Variants in RPS6KA1 observed in about 807,000 individuals in gnomAD.
RPS6KA1 encodes ribosomal protein S6 kinase A1.
In RPS6KA1, 48 loss-of-function variants were observed where a neutral mutation model predicts 91.3. That is an observed-to-expected ratio of 0.53 (90% CI 0.42 to 0.67). The LOEUF (loss-of-function observed/expected upper bound fraction) is 0.67. Ranked by LOEUF, RPS6KA1 falls within the 30% of genes least tolerant of loss-of-function variation. The pLI, the probability that RPS6KA1 is intolerant of heterozygous loss-of-function variation, is 0.00. For synonymous variants in RPS6KA1, 359 were observed against 384.7 expected (o/e 0.93, Z 0.78); for missense variants, 719 against 960.5 (o/e 0.75, Z 3.32).
intron 1 of RPS6KA1, 73 bp from the exon 2 acceptor site, chr1:26,536,852 G>A (rs2075910533): frequency 1.3e-6 from 2 of 1,552,464 alleles, no homozygotes; most frequent in Non-Finnish European, 1.8e-6. Flanking sequence ...AAGGGTGGGG[G>A]TGCCCCACAG....
At chr1:26,552,065 T>A (rs1019702698) in intron 6 of RPS6KA1, among the ~76,000 whole-genome samples, 20 of 152,308 alleles carry the variant, frequency 1.3e-4, no homozygotes, top group African/African-American at 4.3e-4. Context: ...TCATCTTGCG[T>A]ATGTCATCCA....
chr1:26,554,187 G>A lies in RPS6KA1; in HGVS notation c.576-27G>A. On this transcript the variant is annotated intron_variant, in intron 7 of 21. Coordinates refer to ENST00000374168, the MANE Select transcript of RPS6KA1 (RefSeq NM_002953.4). This position sits in a 1 kb window ranked among gnomAD's most constrained non-coding sequence, Gnocchi z 4.6. ...TCACCCACACGGCCACAGCTGAGGG[G>A]CCCTGACCACTATTTCTCTATTACA... 6.4e-7 allele frequency: 1 copy of A among 1,551,666 alleles called. No individual in the cohort carries two copies. The highest frequency in any genetic ancestry group is 8.7e-7 in the Non-Finnish European group (1 of 1,146,996).
chr1:26,546,086 G>A, intron 2 of RPS6KA1: 1 of 1,589,452 alleles, frequency 6.3e-7, no homozygotes, highest in Non-Finnish European at 8.5e-7. Flanking sequence ...CCTTGCAGCA[G>A]GTGCCTGGGA....
At chr1:26,560,966 C>A in intron 15 of RPS6KA1, 79 bp from the exon 16 acceptor site, 1 of 1,594,798 alleles carries the variant, frequency 6.3e-7, no homozygotes, top group Non-Finnish European at 8.6e-7. Context: ...GTGGCCGAGA[C>A]CTCCTGGCCT....
intron 20 of RPS6KA1, 143 bp downstream of exon 20, chr1:26,572,436 G>C (rs2076257445): frequency 7.8e-6 from 5 of 639,546 alleles, no homozygotes; most frequent in Non-Finnish European, 1.1e-5. Flanking sequence ...CCAAGCGGAA[G>C]ATTCCCAGGC....
intron 2 of RPS6KA1, among the ~76,000 whole-genome samples, chr1:26,545,294 G>A (rs1487186689): frequency 6.7e-6 from 1 of 150,038 alleles, no homozygotes; most frequent in Non-Finnish European, 1.5e-5. Context: ...CTCAGCTCCC[G>A]AATAGCTGGG....
rs1188866336 is a variant in RPS6KA1, at chr1:26,552,186, A to G, written c.468+463A>G. Among the ~76,000 whole-genome samples the G allele has an allele frequency of 2.6e-5, 4 of 152,196 alleles. No homozygotes were observed. In the East Asian group the frequency reaches 7.8e-4, roughly 30 times the overall value. ...GGGCAGATCAGGAGGTCAGGAGATC[A>G]AGACCATCCTGCCCAACATGGTGAA... On this transcript the variant is annotated intron_variant, in intron 6 of 21. Transcript: ENST00000374168.
At chr1:26,572,144 T>C (rs1570466872) in intron 19 of RPS6KA1, 32 bp from the exon 20 acceptor site, 12 of 1,576,496 alleles carry the variant, frequency 7.6e-6, no homozygotes, top group Non-Finnish European at 9.6e-6. Flanking sequence ...GAGGCCAGAG[T>C]CTGTACCCAG....
intron 13 of RPS6KA1, among the ~76,000 whole-genome samples, chr1:26,557,309 T>C (rs1377042868): frequency 6.6e-6 from 1 of 152,080 alleles, no homozygotes; most frequent in Non-Finnish European, 1.5e-5. Flanking sequence ...GTGGGTCTCT[T>C]TGTGTCTGGT....
At chr1:26,544,476 C>A (rs983580484) in intron 2 of RPS6KA1, among the ~76,000 whole-genome samples, 2 of 151,378 alleles carry the variant, frequency 1.3e-5, no homozygotes, top group African/African-American at 4.9e-5. Context: ...CTGTCATTGC[C>A]TGTTGGTTTT....
In RPS6KA1 at chr1:26,561,444, C is replaced by T; in HGVS notation, c.1432-61C>T. 4 of 1,608,104 alleles carry T rather than the reference C, an allele frequency of 2.5e-6. No individual in the cohort carries two copies. Among genetic ancestry groups the T allele is most frequent in the Non-Finnish European group, 3.4e-6 (4 of 1,175,118 alleles). ...CATTCTTCCCTGCTCTGGGGCGCTG[C>T]TGACCAGGGGGCTCAGGCCTGACAC... On this transcript the variant is annotated intron_variant, in intron 16 of 21. Coordinates refer to ENST00000374168, the MANE Select transcript of RPS6KA1 (RefSeq NM_002953.4). This position sits in a 1 kb window ranked among gnomAD's most constrained non-coding sequence, Gnocchi z 5.7.
At chr1:26,544,562 C>G (rs1296972057) in intron 2 of RPS6KA1, among the ~76,000 whole-genome samples, 6 of 152,024 alleles carry the variant, frequency 3.9e-5, no homozygotes, top group Non-Finnish European at 5.9e-5. Context: ...GCAGCCTCCC[C>G]CTCCCAGGTT....
Position 26,543,915 on chromosome 1 carries a change from C to T in RPS6KA1, c.109-2952C>T, listed in dbSNP as rs568977000. Reference sequence around the variant, plus strand: ...CATCAGATTGCACTCAGGAGATAGTCCTCTCAGCTACTGTCTGGGTCCCCC... The same window carrying T: ...CATCAGATTGCACTCAGGAGATAGTTCTCTCAGCTACTGTCTGGGTCCCCC... On this transcript the variant is annotated intron_variant, in intron 2 of 21. Transcript: ENST00000374168. Among the ~76,000 whole-genome samples the T allele has an allele frequency of 2.6e-5, 4 of 152,272 alleles. No individual in the cohort carries two copies. In the South Asian group the frequency reaches 8.3e-4, roughly 32 times the overall value.
In RPS6KA1 at chr1:26,547,402, G is replaced by A; in HGVS notation, c.307+132G>A. On this transcript the variant is annotated intron_variant, in intron 4 of 21. Coordinates refer to ENST00000374168, the MANE Select transcript of RPS6KA1 (RefSeq NM_002953.4). The surrounding 1 kb of genome is among the most constrained non-coding windows in gnomAD (Gnocchi z 4.1). ...CACCTAGTTCAAAGGTGGAGAAACA[G>A]GCCTATTTCTCAGCTATCCCTCGCC... The A allele has an allele frequency of 4.3e-6, 3 of 699,488 alleles. No homozygotes were observed. In the South Asian group the frequency reaches 5.2e-5, roughly 12 times the overall value. 43.3% of individuals were successfully genotyped at this position (699,488 alleles called of 1,614,324 possible).
chr1:26,549,690 C>CTTTTTT (rs561375723), intron 4 of RPS6KA1, among the ~76,000 whole-genome samples: 32 of 101,904 alleles, frequency 3.1e-4, no homozygotes, highest in Non-Finnish European at 4.3e-4. Flanking sequence ...AAAGCCTGTT[C>CTTTTTT]TTTTTTTTTT....
rs763683229 is a variant in RPS6KA1 at position 26,546,866 on chromosome 1, G to C, written c.109-1G>C. On this transcript the variant is annotated splice_acceptor_variant, in intron 2 of 21. Transcript: ENST00000374168. LOFTEE classifies it high-confidence loss of function. ...GCCCACCAGCTCTGTCCCTCCATCA[G>C]GATGAGGGCGTCCTCAAGGAGATCT... is the stretch of plus-strand genomic sequence containing the variant. 6.2e-7 allele frequency: 1 copy of C among 1,613,598 alleles called. No homozygotes were observed. The highest frequency in any genetic ancestry group is 8.5e-7 in the Non-Finnish European group (1 of 1,179,608).
In RPS6KA1 at chr1:26,540,757, C is replaced by G. The variant is rs2124619349; in HGVS notation, c.108+3788C>G. 6.6e-6 allele frequency among the ~76,000 whole-genome samples: 1 copy of G among 152,196 alleles called. No homozygotes were observed. The highest frequency in any genetic ancestry group is 6.5e-5 in the Admixed American group (1 of 15,290). On this transcript the variant is annotated intron_variant, in intron 2 of 21. Coordinates refer to ENST00000374168, the MANE Select transcript of RPS6KA1 (RefSeq NM_002953.4). This position sits in a 1 kb window ranked among gnomAD's most constrained non-coding sequence, Gnocchi z 4.2. ...TGCCCAGCCAGGAGTTCAACACAAG[C>G]CTGGGCAACACAGGGAGACCCATCC...
intron 2 of RPS6KA1, among the ~76,000 whole-genome samples, chr1:26,541,387 G>A (rs976434340): frequency 4.6e-5 from 7 of 151,758 alleles, no homozygotes; most frequent in Non-Finnish European, 8.8e-5. Flanking sequence ...AAACCCTGTC[G>A]CTACTAAAAT....
chr1:26,530,909 T>C, intron 1 of RPS6KA1: 1 of 1,252,442 alleles, frequency 8.0e-7, no homozygotes, highest in Non-Finnish European at 1.0e-6. Context: ...GCAGGTGATA[T>C]TCTCCTTCCC....
Sources: allele counts gnomAD v4.1 joint callset (sites outside exome capture counted in the v4.1 genomes callset), GRCh38; gene constraint gnomAD v4.1.1; non-coding constraint Gnocchi (gnomAD v3.1); transcripts MANE v1.5; gene names NCBI Gene and HGNC (gene_info 2026-07-23, HGNC 2026-07-21).